BABAM2: variants seen among roughly 807,000 people sequenced by gnomAD.
BABAM2 encodes the protein BRISC and BRCA1 A complex member 2.
Under a neutral mutation model 54.7 loss-of-function variants are expected in BABAM2, and 31 were observed. The observed-to-expected ratio is 0.57, with a 90% CI of 0.43 to 0.77. The LOEUF (loss-of-function observed/expected upper bound fraction) is 0.77. Ranked by LOEUF, BABAM2 falls within the 30% of genes least tolerant of loss-of-function variation. The pLI, the probability that BABAM2 is intolerant of heterozygous loss-of-function variation, is 0.00. For missense variants in BABAM2, 364 were observed against 455.8 expected (o/e 0.80, Z 1.83); for synonymous variants, 167 against 162.9 (o/e 1.03, Z -0.19).
intron 7 of BABAM2, among the ~76,000 whole-genome samples, chr2:28,187,288 G>C (rs1331629115): frequency 6.6e-6 from 1 of 152,082 alleles, no homozygotes; most frequent in African/African-American, 2.4e-5. Flanking sequence ...CATAGAGAAG[G>C]GCCACTAGAG....
chr2:27,980,190 T>C (rs937455667), intron 3 of BABAM2, among the ~76,000 whole-genome samples: 6 of 152,168 alleles, frequency 3.9e-5, no homozygotes, highest in Admixed American at 1.3e-4. Context: ...AACCTCGCCT[T>C]ATAGCACCTC....
chr2:27,951,642 G>A (rs1669727697), intron 3 of BABAM2, among the ~76,000 whole-genome samples: 1 of 152,124 alleles, frequency 6.6e-6, no homozygotes, highest in Non-Finnish European at 1.5e-5. Context: ...GGTTAATAGA[G>A]TTGTTCAAAT....
At chr2:27,948,715 G>A (rs1319898986) in intron 3 of BABAM2, among the ~76,000 whole-genome samples, 1 of 152,086 alleles carries the variant, frequency 6.6e-6, no homozygotes. Context: ...AGGTTGCAGT[G>A]AGCTGAAATC....
chr2:28,207,600 C>T (rs1257399323), intron 7 of BABAM2, among the ~76,000 whole-genome samples: 1 of 152,046 alleles, frequency 6.6e-6, no homozygotes, highest in African/African-American at 2.4e-5. Context: ...CAATCCAGTA[C>T]CTTGTCATAG....
At chr2:28,139,405 C>T (rs1670853799) in intron 7 of BABAM2, among the ~76,000 whole-genome samples, 1 of 148,216 alleles carries the variant, frequency 6.7e-6, no homozygotes, top group African/African-American at 2.5e-5. Flanking sequence ...CCTGCCTCTA[C>T]TAAAAATGCA....
intron 7 of BABAM2, among the ~76,000 whole-genome samples, chr2:28,184,479 T>TCCCCCCC (rs1676057554): frequency 2.0e-5 from 2 of 99,086 alleles, no homozygotes; most frequent in Non-Finnish European, 4.5e-5. Context: ...CCCTCCCCTC[T>TCCCCCCC]CCCCCCACCC....
At chr2:28,076,751 C>G (rs1664722446) in intron 6 of BABAM2, among the ~76,000 whole-genome samples, 2 of 152,166 alleles carry the variant, frequency 1.3e-5, no homozygotes, top group African/African-American at 4.8e-5. Flanking sequence ...CATGATCCAC[C>G]CGCTTCGGCC....
intron 10 of BABAM2, among the ~76,000 whole-genome samples, chr2:28,279,471 G>A (rs1686157543): frequency 6.6e-6 from 1 of 152,134 alleles, no homozygotes; most frequent in Non-Finnish European, 1.5e-5. Context: ...AATCCCAGCA[G>A]CCTTTCGTGC....
intron 4 of BABAM2, among the ~76,000 whole-genome samples, chr2:28,011,728 T>C (rs1674414248): frequency 6.6e-6 from 1 of 152,230 alleles, no homozygotes; most frequent in South Asian, 2.1e-4. Context: ...AACTGTTTGC[T>C]CTTCTTGTTC....
chr2:28,002,693 A>G (rs762316584), intron 4 of BABAM2, among the ~76,000 whole-genome samples: 78 of 152,316 alleles, frequency 5.1e-4, no homozygotes, highest in Middle Eastern at 3.4e-3. Flanking sequence ...CAAAAGAGCA[A>G]CCATTAGATT....
intron 7 of BABAM2, among the ~76,000 whole-genome samples, chr2:28,227,745 G>T (rs1332146774): frequency 6.6e-6 from 1 of 152,126 alleles, no homozygotes; most frequent in East Asian, 1.9e-4. Flanking sequence ...GTGCATCATT[G>T]CATGAGGTCT....
intron 7 of BABAM2, among the ~76,000 whole-genome samples, chr2:28,154,336 T>C (rs999334093): frequency 6.6e-6 from 1 of 152,218 alleles, no homozygotes; most frequent in Non-Finnish European, 1.5e-5. Flanking sequence ...TATGGAAGTT[T>C]AGCTTAGAGA....
chr2:28,189,528 A>G (rs1676676497), intron 7 of BABAM2, among the ~76,000 whole-genome samples: 1 of 152,170 alleles, frequency 6.6e-6, no homozygotes, highest in Non-Finnish European at 1.5e-5. Context: ...GCCATTAAAC[A>G]CCATTTAAAA....
chr2:28,176,579 A>C, intron 7 of BABAM2, among the ~76,000 whole-genome samples: 1 of 142,660 alleles, frequency 7.0e-6, no homozygotes, highest in Non-Finnish European at 1.5e-5. Flanking sequence ...CAAAAAAAAA[A>C]AAAAAAAAAA....
chr2:27,948,829 G>T (rs1669495614), intron 3 of BABAM2, among the ~76,000 whole-genome samples: 1 of 152,126 alleles, frequency 6.6e-6, no homozygotes, highest in Admixed American at 6.6e-5. Flanking sequence ...AGATTTTAGG[G>T]GAAAATAATT....
intron 7 of BABAM2, among the ~76,000 whole-genome samples, chr2:28,147,419 G>A (rs1671592947): frequency 6.6e-6 from 1 of 151,204 alleles, no homozygotes; most frequent in Admixed American, 6.6e-5. Flanking sequence ...TTTTAAAGAA[G>A]AAAGGACAAG....
intron 7 of BABAM2, among the ~76,000 whole-genome samples, chr2:28,161,000 C>T (rs1261645738): frequency 1.3e-5 from 2 of 152,108 alleles, no homozygotes; most frequent in East Asian, 1.9e-4. Context: ...AGGCGAGGTT[C>T]TCTGTGAATT....
At chr2:28,165,285 A>G (rs1673531943) in intron 7 of BABAM2, among the ~76,000 whole-genome samples, 1 of 152,194 alleles carries the variant, frequency 6.6e-6, no homozygotes, top group South Asian at 2.1e-4. Context: ...AGATTACTGG[A>G]CATGTGAGAG....
At chr2:28,087,797 C>T (rs575723815) in intron 6 of BABAM2, among the ~76,000 whole-genome samples, 4 of 152,116 alleles carry the variant, frequency 2.6e-5, no homozygotes, top group East Asian at 3.9e-4. Context: ...TACAGGCGTG[C>T]GCCACTATGC....
Sources: gnomAD v4.1 joint callset for allele counts (sites outside exome capture counted in the v4.1 genomes callset) on GRCh38, gnomAD v4.1.1 for gene constraint, MANE v1.5 for transcripts, NCBI Gene and HGNC (gene_info 2026-07-23, HGNC 2026-07-21) for gene names.